HDAC9: variants seen among roughly 807,000 people sequenced by gnomAD.
The protein encoded by HDAC9 is MEF-2 interacting transcription repressor (MITR) protein.
Under a neutral mutation model 139.4 loss-of-function variants are expected in HDAC9, and 41 were observed. The observed-to-expected ratio is 0.29, with a 90% CI of 0.23 to 0.38. The LOEUF is 0.38. Among genes scored for constraint, HDAC9 ranks in the 10% least tolerant of loss-of-function variants. The pLI, the probability that HDAC9 is intolerant of heterozygous loss-of-function variation, is 1.00. For missense variants in HDAC9, 1,147 were observed against 1,297.0 expected, an observed-to-expected ratio of 0.88 and a Z score of 1.78; for synonymous variants, 517 against 476.2, an observed-to-expected ratio of 1.09 and a Z score of -1.12.
chr7:18,829,365 A>T, intron 18 of HDAC9, 96 bp from the exon 19 acceptor site: 1 of 1,118,868 alleles, frequency 8.9e-7, no homozygotes, highest in Non-Finnish European at 1.4e-6. Flanking sequence ...GGCTTCAGAG[A>T]TCATATAGCA....
intron 6 of HDAC9, among the ~76,000 whole-genome samples, chr7:18,614,446 T>G (rs1409781968): frequency 6.6e-6 from 1 of 152,158 alleles, no homozygotes; most frequent in African/African-American, 2.4e-5. Flanking sequence ...AAGTTCTGTC[T>G]TTTCCCCCAC....
At chr7:18,555,888 A>G (rs1471786616) in intron 2 of HDAC9, among the ~76,000 whole-genome samples, 1 of 152,042 alleles carries the variant, frequency 6.6e-6, no homozygotes, top group African/African-American at 2.4e-5. Context: ...AAATAGTTGT[A>G]TTGTAGTATT....
chr7:18,775,415 T>C (rs1453057814), intron 16 of HDAC9, among the ~76,000 whole-genome samples: 1 of 152,090 alleles, frequency 6.6e-6, no homozygotes, highest in Non-Finnish European at 1.5e-5. Flanking sequence ...AAGGTGTGCC[T>C]GTATCGAGTA....
At chr7:18,525,209 G>T (rs1037327430) in intron 2 of HDAC9, among the ~76,000 whole-genome samples, 11 of 151,906 alleles carry the variant, frequency 7.2e-5, no homozygotes, top group African/African-American at 2.4e-4. Flanking sequence ...TGGAGCAAAT[G>T]TGTTGACAGC....
upstream of HDAC9, among the ~76,000 whole-genome samples, chr7:18,289,172 C>T (rs1197104389): frequency 6.6e-6 from 1 of 152,088 alleles, no homozygotes; most frequent in Non-Finnish European, 1.5e-5. Flanking sequence ...ACCTTGGGGG[C>T]TTAGAATTGT....
intron 1 of HDAC9, among the ~76,000 whole-genome samples, chr7:18,478,196 C>T (rs1438764101): frequency 6.6e-6 from 1 of 152,090 alleles, no homozygotes; most frequent in African/African-American, 2.4e-5. Flanking sequence ...CTCAGCCTCC[C>T]GAGTAGCTGG....
chr7:18,221,594 G>A (rs1792710634), intron 2 of HDAC9, among the ~76,000 whole-genome samples: 1 of 152,182 alleles, frequency 6.6e-6, no homozygotes, highest in Non-Finnish European at 1.5e-5. Flanking sequence ...CAGAAAATTA[G>A]ATGACTGGTA....
At chr7:18,413,899 A>T (rs1325048042) in intron 1 of HDAC9, among the ~76,000 whole-genome samples, 1 of 152,136 alleles carries the variant, frequency 6.6e-6, no homozygotes, top group Non-Finnish European at 1.5e-5. Flanking sequence ...AGGTAAACAT[A>T]CTTTAATATT....
intron 1 of HDAC9, among the ~76,000 whole-genome samples, chr7:18,439,803 A>T (rs1791575256): frequency 6.6e-6 from 1 of 152,178 alleles, no homozygotes; most frequent in Non-Finnish European, 1.5e-5. Flanking sequence ...CACAAAACAC[A>T]TTCAAATCTC....
chr7:18,577,587 A>G (rs1826385614), intron 2 of HDAC9, among the ~76,000 whole-genome samples: 1 of 152,044 alleles, frequency 6.6e-6, no homozygotes, highest in Non-Finnish European at 1.5e-5. Flanking sequence ...ACCCCATTTT[A>G]TATGTACTTT....
chr7:18,696,835 T>G (rs140558763), intron 12 of HDAC9, among the ~76,000 whole-genome samples: 159 of 152,056 alleles, frequency 1.0e-3, no homozygotes, highest in Middle Eastern at 3.4e-3. Context: ...TTCACAATAT[T>G]GAACAACCAT....
At chr7:18,342,592 T>C (rs1782099333) in intron 1 of HDAC9, among the ~76,000 whole-genome samples, 2 of 151,884 alleles carry the variant, frequency 1.3e-5, no homozygotes, top group Admixed American at 6.6e-5. Context: ...TTAAGAAGGC[T>C]AATTACCTCT....
At chr7:18,160,339 A>G (rs1452812019) in intron 1 of HDAC9, among the ~76,000 whole-genome samples, 2 of 152,192 alleles carry the variant, frequency 1.3e-5, no homozygotes, top group East Asian at 3.9e-4. Context: ...TTCAGACTAC[A>G]ATGTAAAAAA....
intron 1 of HDAC9, among the ~76,000 whole-genome samples, chr7:18,336,613 T>C (rs995984078): frequency 6.6e-6 from 1 of 151,720 alleles, no homozygotes; most frequent in Non-Finnish European, 1.5e-5. Flanking sequence ...ATTGCTAGTT[T>C]AATCTCATGC....
chr7:18,634,490 G>T (rs1783290603), intron 7 of HDAC9, 137 bp from the exon 8 acceptor site: 1 of 589,890 alleles, frequency 1.7e-6, no homozygotes, highest in African/African-American at 1.9e-5. Flanking sequence ...GAAATTTTTA[G>T]TTCTTTCTAT....
intron 1 of HDAC9, among the ~76,000 whole-genome samples, chr7:18,094,719 G>A (rs1380602341): frequency 6.6e-6 from 1 of 152,110 alleles, no homozygotes; most frequent in Non-Finnish European, 1.5e-5. Context: ...GCCTCCCAAA[G>A]CACTAGGATT....
At chr7:18,525,168 A>G (rs944490499) in intron 2 of HDAC9, among the ~76,000 whole-genome samples, 1 of 152,144 alleles carries the variant, frequency 6.6e-6, no homozygotes, top group African/African-American at 2.4e-5. Context: ...TTACAGGAAA[A>G]TAATTACTAA....
At chr7:18,490,479 A>C (rs1408108691) in intron 1 of HDAC9, among the ~76,000 whole-genome samples, 2 of 151,988 alleles carry the variant, frequency 1.3e-5, no homozygotes, top group Non-Finnish European at 2.9e-5. Flanking sequence ...CTGAAATTTC[A>C]ATGCCAACGT....
intron 1 of HDAC9, among the ~76,000 whole-genome samples, chr7:18,442,633 C>T (rs531516630): frequency 6.6e-6 from 1 of 152,306 alleles, no homozygotes; most frequent in African/African-American, 2.4e-5. Context: ...TCTGAACTGA[C>T]CTATGTCTGT....
Sources: allele counts gnomAD v4.1 joint callset (sites outside exome capture counted in the v4.1 genomes callset), GRCh38; gene constraint gnomAD v4.1.1; transcripts MANE v1.5; gene names NCBI Gene and HGNC (gene_info 2026-07-23, HGNC 2026-07-21).